STK32A: variants seen among roughly 807,000 people sequenced by gnomAD.
STK32A encodes serine/threonine-protein kinase 32A.
Under a neutral mutation model 53.2 loss-of-function variants are expected in STK32A, and 41 were observed. That is an observed-to-expected ratio of 0.77 (90% CI 0.60 to 1.00). The LOEUF (loss-of-function observed/expected upper bound fraction) is 1.00. Ranked by LOEUF, STK32A falls within the 50% of genes least tolerant of loss-of-function variation. The probability of loss-of-function intolerance (pLI) is 0.00; values close to 1 mark genes in which losing one functional copy is unlikely to be tolerated. For synonymous variants in STK32A, 166 were observed against 162.8 expected (o/e 1.02, Z -0.15); for missense variants, 458 against 485.8 (o/e 0.94, Z 0.54).
chr5:147,401,559 T>C, the STK32A span: 2 of 1,613,240 alleles, frequency 1.2e-6, no homozygotes, highest in Non-Finnish European at 1.7e-6. Context: ...AAGGAGTTGA[T>C]GTAGTCCGGA....
At chr5:147,287,566 T>C (rs1444390200) in intron 4 of STK32A, among the ~76,000 whole-genome samples, 1 of 152,196 alleles carries the variant, frequency 6.6e-6, no homozygotes, top group Non-Finnish European at 1.5e-5. Context: ...AAGATGGTTT[T>C]ATGTGACTTG....
chr5:147,378,840 C>CTTTTTTT lies in STK32A; in HGVS notation c.1032+3657_1032+3663dup, dbSNP rs71001434. ...GTAGTAGTGTAATAATGCCTCCAGT[C>CTTTTTTT]TTTTTTTTTTTTTTTTTTTTTTTTT... On this transcript the variant is annotated intron_variant, in intron 11 of 12. Coordinates refer to ENST00000397936, the MANE Select transcript of STK32A (RefSeq NM_001112724.2). Among the ~76,000 whole-genome samples the CTTTTTTT allele has an allele frequency of 1.1e-3, 30 of 28,102 alleles. 3 individuals are homozygous for CTTTTTTT. Among genetic ancestry groups the CTTTTTTT allele is most frequent in the Non-Finnish European group, 1.9e-3 (26 of 13,492 alleles). 18.4% of individuals were successfully genotyped at this position (28,102 alleles called of 152,430 possible). A position where few individuals can be genotyped will look rare whatever the true frequency, so the allele number is the denominator to read the frequency against.
chr5:147,384,434 T>C lies in STK32A; in HGVS notation c.*451T>C. On this transcript the variant is annotated 3_prime_UTR_variant, in exon 13 of 13. Coordinates refer to ENST00000397936, the MANE Select transcript of STK32A (RefSeq NM_001112724.2). ...GACTTTTCAGACCTCGAAAGTTTCA[T>C]AAAGTGGTCAGAATGCCCCAGGCTA... 1 of 1,534,214 alleles carries C rather than the reference T, an allele frequency of 6.5e-7. No individual in the cohort carries two copies. The highest frequency in any genetic ancestry group is 8.7e-7 in the Non-Finnish European group (1 of 1,145,968).
At chr5:147,335,382 C>G (rs993119662) in intron 5 of STK32A, among the ~76,000 whole-genome samples, 1 of 152,110 alleles carries the variant, frequency 6.6e-6, no homozygotes, top group Non-Finnish European at 1.5e-5. Context: ...GTGTGCTGGA[C>G]TTGGAGGGTA....
chr5:147,296,364 A>T (rs1752865371), intron 4 of STK32A, among the ~76,000 whole-genome samples: 1 of 151,494 alleles, frequency 6.6e-6, no homozygotes, highest in African/African-American at 2.4e-5. Flanking sequence ...TTTGACTTGG[A>T]GTTTTATATG....
At chr5:147,358,297 G>A (rs890985916) in intron 7 of STK32A, among the ~76,000 whole-genome samples, 5 of 152,128 alleles carry the variant, frequency 3.3e-5, no homozygotes, top group African/African-American at 1.2e-4. Flanking sequence ...GTGTGGGTAA[G>A]GATGTTCAAC....
intron 5 of STK32A, among the ~76,000 whole-genome samples, chr5:147,342,144 C>A (rs1755448345): frequency 6.6e-6 from 1 of 152,134 alleles, no homozygotes; most frequent in Non-Finnish European, 1.5e-5. Context: ...AATTCTGAAA[C>A]AGGTTTTGGG....
intron 4 of STK32A, among the ~76,000 whole-genome samples, chr5:147,312,597 C>A (rs553347317): frequency 1.3e-5 from 2 of 152,098 alleles, no homozygotes; most frequent in African/African-American, 4.8e-5. Context: ...ATTCAAGGTG[C>A]ATTTTTTCTT....
chr5:147,361,748 C>T (rs1174444661), intron 8 of STK32A, 134 bp downstream of exon 8: 2 of 687,042 alleles, frequency 2.9e-6, no homozygotes, highest in Non-Finnish European at 5.1e-6. Context: ...ATGTTGATAA[C>T]ACCCCTTGAG....
At chr5:147,375,730 A>T (rs1209986423) in intron 11 of STK32A, 1 of 152,450 alleles carries the variant, frequency 6.6e-6, no homozygotes, top group African/African-American at 2.4e-5. Context: ...GAATTCTAAC[A>T]TGGTGGAGCA....
chr5:147,342,711 C>A (rs987152469), intron 5 of STK32A: 1 of 385,858 alleles, frequency 2.6e-6, no homozygotes, highest in South Asian at 5.1e-5. Context: ...TGCTTAGATA[C>A]AACATGCTAT....
At chr5:147,305,049 A>C (rs1753335051) in intron 4 of STK32A, among the ~76,000 whole-genome samples, 1 of 151,950 alleles carries the variant, frequency 6.6e-6, no homozygotes, top group Admixed American at 6.6e-5. Flanking sequence ...ACTCCACTGC[A>C]CTCCAGCCTG....
chr5:147,348,819 C>T, intron 6 of STK32A: 1 of 714,244 alleles, frequency 1.4e-6, no homozygotes, highest in South Asian at 1.5e-5. Context: ...TAAACGCTTA[C>T]TTCTTGCCAA....
At chr5:147,300,255 G>T (rs1166260347) in intron 4 of STK32A, among the ~76,000 whole-genome samples, 2 of 152,150 alleles carry the variant, frequency 1.3e-5, no homozygotes, top group African/African-American at 4.8e-5. Context: ...GCTCAAAGGA[G>T]CTAAAATATT....
intron 4 of STK32A, among the ~76,000 whole-genome samples, chr5:147,301,647 T>C (rs1026131630): frequency 2.0e-5 from 3 of 152,206 alleles, no homozygotes; most frequent in Non-Finnish European, 4.4e-5. Flanking sequence ...AAAACCTGTA[T>C]TTCATCACGC....
intron 4 of STK32A, among the ~76,000 whole-genome samples, chr5:147,302,933 TTCTTCC>T (rs33957242): frequency 0.031 from 4,790 of 152,242 alleles, 264 homozygotes; most frequent in African/African-American, 0.11. Context: ...CAGTATATAT[TTCTTCC>T]CAGTACATGT....
chr5:147,267,875 A>G (rs1405265454), intron 2 of STK32A, among the ~76,000 whole-genome samples: 1 of 152,146 alleles, frequency 6.6e-6, no homozygotes, highest in Non-Finnish European at 1.5e-5. Flanking sequence ...CCCAGTTAAA[A>G]TGCTGCCCAT....
At chr5:147,373,687 A>G (rs1349011401) in intron 10 of STK32A, among the ~76,000 whole-genome samples, 1 of 152,104 alleles carries the variant, frequency 6.6e-6, no homozygotes, top group Admixed American at 6.6e-5. Context: ...AAAGAATTGA[A>G]AATTGTTGGA....
chr5:147,394,207 AT>A, the STK32A span: 2 of 1,394,938 alleles, frequency 1.4e-6, no homozygotes, highest in Non-Finnish European at 1.0e-6. Context: ...AACTGGGTTA[AT>A]TTTAAGAGTG....
Sources: allele counts gnomAD v4.1 joint callset (sites outside exome capture counted in the v4.1 genomes callset), GRCh38; gene constraint gnomAD v4.1.1; transcripts MANE v1.5; gene names NCBI Gene and HGNC (gene_info 2026-07-23, HGNC 2026-07-21).